Variants in NSF observed in about 807,000 individuals in gnomAD.
NSF encodes the protein vesicle-fusing ATPase.
NSF carries 14 observed loss-of-function variants against 50.3 expected under a neutral mutation model. The observed-to-expected ratio is 0.28, with a 90% CI of 0.18 to 0.44. NSF has a LOEUF of 0.44. Ranked by LOEUF, NSF falls within the 20% of genes least tolerant of loss-of-function variation. NSF has a pLI of 1.00. For synonymous variants in NSF, 109 were observed against 175.7 expected (o/e 0.62, Z 3.00); for missense variants, 218 against 504.3 (o/e 0.43, Z 5.44).
Position 46,755,911 on chromosome 17 carries a change from G to A in NSF, c.*88G>A. 1 of 1,313,828 alleles carries A rather than the reference G, an allele frequency of 7.6e-7. No individual in the cohort carries two copies. Among genetic ancestry groups the A allele is most frequent in the South Asian group, 1.3e-5 (1 of 79,162 alleles). 81.4% of individuals were successfully genotyped at this position (1,313,828 alleles called of 1,614,324 possible). A position where few individuals can be genotyped will look rare whatever the true frequency, so the allele number is the denominator to read the frequency against. On this transcript the variant is annotated 3_prime_UTR_variant, in exon 21 of 21. Coordinates refer to ENST00000398238, the MANE Select transcript of NSF (RefSeq NM_006178.4). ...TCTTCACTGTCTTACTCAAGATACT[G>A]GACTAAGTGGAACGTTCTCTACCTT...
At chr17:46,722,406 T>G (rs2058841084) in intron 15 of NSF, among the ~76,000 whole-genome samples, 2 of 152,352 alleles carry the variant, frequency 1.3e-5, no homozygotes, top group African/African-American at 4.8e-5. Flanking sequence ...GTTTGGCACT[T>G]CAGTTGTACT....
chr17:46,721,997 C>T (rs1455215737), intron 15 of NSF: 43 of 1,607,102 alleles, frequency 2.7e-5, no homozygotes, highest in Non-Finnish European at 3.5e-5. Flanking sequence ...GATAGCTTTC[C>T]GACCACCACC....
intron 17 of NSF, among the ~76,000 whole-genome samples, chr17:46,737,952 A>ATTATT (rs530345654): frequency 7.1e-6 from 1 of 139,904 alleles, no homozygotes; most frequent in Admixed American, 7.2e-5. Flanking sequence ...TATTATTATT[A>ATTATT]GAGATAGGAT....
chr17:46,738,274 T>C (rs922675227), intron 17 of NSF, among the ~76,000 whole-genome samples: 1 of 152,158 alleles, frequency 6.6e-6, no homozygotes, highest in East Asian at 1.9e-4. Flanking sequence ...ACTTGAGAAT[T>C]TGAGGATATG....
rs781088509 is a variant in NSF at position 46,711,130 on chromosome 17, A to G, written c.1627+11A>G. On this transcript the variant is annotated intron_variant, in intron 14 of 20. Coordinates refer to ENST00000398238, the MANE Select transcript of NSF (RefSeq NM_006178.4). The stretch of plus-strand genomic sequence containing the variant: ...GCGTGCTTCTGGAAGGTGAGAATGA[A>G]TGAGGAGATGGCATTAAAAGTTAAA... The G allele has an allele frequency of 8.7e-6, 13 of 1,492,896 alleles. No homozygotes were observed. The highest frequency in any genetic ancestry group is 1.8e-4 in the Middle Eastern group (1 of 5,676). 92.5% of individuals were successfully genotyped at this position (1,492,896 alleles called of 1,614,324 possible).
chr17:46,742,940 G>A (rs2059090857), intron 17 of NSF, among the ~76,000 whole-genome samples: 1 of 152,194 alleles, frequency 6.6e-6, no homozygotes, highest in African/African-American at 2.4e-5. Flanking sequence ...GCCAGGTTAA[G>A]TGATAGACCA....
chr17:46,641,922 GTACAT>G (rs998767523), intron 7 of NSF, among the ~76,000 whole-genome samples: 1 of 122,830 alleles, frequency 8.1e-6, no homozygotes, highest in African/African-American at 3.3e-5. Context: ...TATTGATCTA[GTACAT>G]TTATGAAGTG....
intron 20 of NSF, 177 bp from the exon 21 acceptor site, chr17:46,755,625 C>T (rs1468906249): frequency 1.4e-6 from 1 of 719,366 alleles, no homozygotes; most frequent in Admixed American, 2.9e-5. Context: ...CCTGCTTTTA[C>T]ATGCATGGAG....
At chr17:46,678,368 TAACTC>T (rs1300748451) in intron 9 of NSF, among the ~76,000 whole-genome samples, 7 of 95,820 alleles carry the variant, frequency 7.3e-5, no homozygotes, top group Non-Finnish European at 1.2e-4. Flanking sequence ...TAAGTAAAAT[TAACTC>T]AAGTGAATGA....
intron 17 of NSF, among the ~76,000 whole-genome samples, chr17:46,736,342 G>A (rs913721936): frequency 2.0e-5 from 3 of 152,170 alleles, no homozygotes; most frequent in African/African-American, 7.2e-5. Context: ...GCTTGTGGCT[G>A]AAGTTCCCCT....
intron 15 of NSF, among the ~76,000 whole-genome samples, chr17:46,720,371 T>A (rs2058817983): frequency 6.6e-6 from 1 of 152,150 alleles, no homozygotes; most frequent in South Asian, 2.1e-4. Context: ...ACCTTGTGAC[T>A]TTTTATATTA....
chr17:46,723,693 A>G (rs1341853470), intron 15 of NSF, among the ~76,000 whole-genome samples: 1 of 152,046 alleles, frequency 6.6e-6, no homozygotes, highest in Non-Finnish European at 1.5e-5. Flanking sequence ...CTCTTTCATC[A>G]CCACACCCAT....
intron 15 of NSF, among the ~76,000 whole-genome samples, chr17:46,718,107 G>T (rs538244518): frequency 3.2e-4 from 49 of 152,166 alleles, no homozygotes; most frequent in Non-Finnish European, 5.9e-4. Flanking sequence ...CAGGGCCTGG[G>T]GACTGACAGC....
chr17:46,708,822 A>ATTTTTT (rs386627394), intron 13 of NSF, among the ~76,000 whole-genome samples: 2 of 108,902 alleles, frequency 1.8e-5, no homozygotes, highest in Non-Finnish European at 3.4e-5. Flanking sequence ...ATATATATAT[A>ATTTTTT]TTTTTTTTTT....
At chr17:46,755,706 TA>T in intron 20 of NSF, 95 bp from the exon 21 acceptor site, 1 of 1,349,312 alleles carries the variant, frequency 7.4e-7, no homozygotes, top group East Asian at 2.4e-5. Flanking sequence ...GGATAACCAT[TA>T]AGAAGCTTTT....
chr17:46,732,784 A>T (rs1050801560), intron 17 of NSF, among the ~76,000 whole-genome samples: 4 of 152,210 alleles, frequency 2.6e-5, no homozygotes, highest in African/African-American at 9.7e-5. Flanking sequence ...TGTGTTCTGC[A>T]GGAGAAGAGA....
intron 16 of NSF, among the ~76,000 whole-genome samples, chr17:46,727,974 T>C (rs2058908025): frequency 6.6e-6 from 1 of 152,196 alleles, no homozygotes; most frequent in East Asian, 1.9e-4. Flanking sequence ...AAGTAGAATG[T>C]GCCATGTATT....
chr17:46,725,438 A>G (rs2146290090), intron 15 of NSF, among the ~76,000 whole-genome samples: 1 of 152,318 alleles, frequency 6.6e-6, no homozygotes, highest in Non-Finnish European at 1.5e-5. Context: ...ACCTGATTAA[A>G]TATCTGGAGA....
rs1022778364 is a variant in NSF, at chr17:46,757,139, G to C, written c.*1316G>C. The C allele has an allele frequency of 5.3e-5, 8 of 152,234 alleles. No individual in the cohort carries two copies. Among genetic ancestry groups the C allele is most frequent in the Non-Finnish European group, 7.3e-5 (5 of 68,048 alleles). The allele number at this position is 152,234 out of a possible 1,614,324, so 9.4% of individuals were successfully genotyped here. On this transcript the variant is annotated 3_prime_UTR_variant, in exon 21 of 21. Coordinates refer to ENST00000398238, the MANE Select transcript of NSF (RefSeq NM_006178.4). ...TTATTTGTCCTCATGTGAGAAAGCA[G>C]ATCATCTCCAAATCTTGCCATTTGT...
Sources: gnomAD v4.1 joint callset for allele counts (sites outside exome capture counted in the v4.1 genomes callset) on GRCh38, gnomAD v4.1.1 for gene constraint, MANE v1.5 for transcripts, NCBI Gene and HGNC (gene_info 2026-07-23, HGNC 2026-07-21) for gene names.